Variants in GHR observed in about 807,000 individuals in gnomAD.
GHR encodes growth hormone receptor.
Under a neutral mutation model 67.1 loss-of-function variants are expected in GHR, and 35 were observed. The observed-to-expected ratio is 0.52, with a 90% CI of 0.40 to 0.69. The LOEUF (loss-of-function observed/expected upper bound fraction) is 0.69, where lower values mean the gene tolerates loss of function less well. Ranked by LOEUF, GHR falls within the 30% of genes least tolerant of loss-of-function variation. The pLI, the probability that GHR is intolerant of heterozygous loss-of-function variation, is 0.00. For missense variants in GHR, 792 were observed against 764.6 expected, an observed-to-expected ratio of 1.04 and a Z score of -0.42; for synonymous variants, 272 against 269.1, an observed-to-expected ratio of 1.01 and a Z score of -0.10.
intron 3 of GHR, among the ~76,000 whole-genome samples, chr5:42,669,968 C>G (rs745673991): frequency 3.9e-5 from 6 of 152,004 alleles, no homozygotes; most frequent in Non-Finnish European, 5.9e-5. Context: ...TCTATAGATT[C>G]AATGCAATCC....
intron 1 of GHR, among the ~76,000 whole-genome samples, chr5:42,453,816 G>A (rs896085677): frequency 1.3e-5 from 2 of 152,172 alleles, no homozygotes; most frequent in Non-Finnish European, 1.5e-5. Context: ...GGGGAACAAG[G>A]ACTCCTTTTC....
intron 1 of GHR, chr5:42,467,636 A>G: frequency 6.2e-7 from 1 of 1,606,512 alleles, no homozygotes; most frequent in Non-Finnish European, 8.5e-7. Context: ...GAGCAAACAT[A>G]AGGTTTCTGT....
In GHR at chr5:42,618,201, C is replaced by CTTT. The variant is rs537946929; in HGVS notation, c.71-10837_71-10836insTTT. On this transcript the variant is annotated intron_variant, in intron 2 of 9. Coordinates refer to ENST00000230882, the MANE Select transcript of GHR (RefSeq NM_000163.5). ...CTACATTTGCTTGCTAGTAGAGCTT[C>CTTT]CATTTTCTACTGCAAAATAGTTTCT... 2.3e-3 allele frequency among the ~76,000 whole-genome samples: 353 copies of CTTT among 152,136 alleles called. 1 individual carries two copies. Among genetic ancestry groups the CTTT allele is most frequent in the Non-Finnish European group, 3.9e-3 (267 of 67,962 alleles).
At position 42,495,780 on chromosome 5, in the gene GHR, A is replaced by G. The variant is rs28943879; in HGVS notation, c.-11-70084A>G. On this transcript the variant is annotated intron_variant, in intron 1 of 9. Transcript: ENST00000230882. Reference sequence around the variant, plus strand: ...TAATGGAGGTGAACTCAGGAATCTCAGATGCATTTAGCTCTACAAGTCTCC... The same window carrying G: ...TAATGGAGGTGAACTCAGGAATCTCGGATGCATTTAGCTCTACAAGTCTCC... Among the ~76,000 whole-genome samples, 1,239 of 152,272 alleles carry G rather than the reference A, an allele frequency of 8.1e-3. 47 individuals carry two copies. In the East Asian group the frequency reaches 0.1, roughly 13 times the overall value.
chr5:42,556,589 A>G (rs560095846), intron 1 of GHR, among the ~76,000 whole-genome samples: 19 of 152,336 alleles, frequency 1.2e-4, no homozygotes, highest in African/African-American at 4.6e-4. Context: ...GGAAAAAACT[A>G]CTTGGTAGGG....
intron 2 of GHR, among the ~76,000 whole-genome samples, chr5:42,611,513 G>A (rs1431835821): frequency 6.6e-6 from 1 of 151,952 alleles, no homozygotes; most frequent in Non-Finnish European, 1.5e-5. Flanking sequence ...CCTTCCCATG[G>A]GCCAAGCCCT....
chr5:42,662,077 C>T (rs1755666567), intron 3 of GHR, among the ~76,000 whole-genome samples: 1 of 152,100 alleles, frequency 6.6e-6, no homozygotes, highest in South Asian at 2.1e-4. Context: ...TATATGCACC[C>T]AATACAGGAG....
At chr5:42,500,057 T>C (rs1746476126) in intron 1 of GHR, among the ~76,000 whole-genome samples, 1 of 152,220 alleles carries the variant, frequency 6.6e-6, no homozygotes, top group South Asian at 2.1e-4. Flanking sequence ...TTTGTTAGTG[T>C]TGACAACCAG....
At chr5:42,673,294 C>T (rs1756409800) in intron 3 of GHR, among the ~76,000 whole-genome samples, 2 of 152,104 alleles carry the variant, frequency 1.3e-5, no homozygotes, top group South Asian at 4.1e-4. Context: ...AAAGTGAACG[C>T]TCATACACGG....
chr5:42,439,668 C>T (rs1743483885), intron 1 of GHR, among the ~76,000 whole-genome samples: 1 of 151,982 alleles, frequency 6.6e-6, no homozygotes, highest in South Asian at 2.1e-4. Context: ...GAATTTGGAT[C>T]ATCATAAGTC....
rs997308080 is a variant in GHR, at chr5:42,658,675, T to C, written c.136+29572T>C. Among the ~76,000 whole-genome samples the C allele has an allele frequency of 3.9e-5, 6 of 152,248 alleles. No homozygotes were observed. In the South Asian group the frequency reaches 1.0e-3, roughly 26 times the overall value. On this transcript the variant is annotated intron_variant, in intron 3 of 9. Coordinates refer to ENST00000230882, the MANE Select transcript of GHR (RefSeq NM_000163.5). Reference sequence around the variant, plus strand: ...TCCCCCCAGGGGACATTTGGCAATGTCTAGAGACATTTTACTTGTCACACT... The same window carrying C: ...TCCCCCCAGGGGACATTTGGCAATGCCTAGAGACATTTTACTTGTCACACT...
chr5:42,451,702 C>CAA (rs35883387), intron 1 of GHR, among the ~76,000 whole-genome samples: 13,194 of 122,722 alleles, frequency 0.11, 756 homozygotes, highest in Admixed American at 0.16. Context: ...AAGACTCTGT[C>CAA]AAAAAAAAAA....
At chr5:42,474,295 G>GAGAAAGAGAAAGAAAGAAAGAA (rs1554054588) in intron 1 of GHR, among the ~76,000 whole-genome samples, 1 of 81,070 alleles carries the variant, frequency 1.2e-5, no homozygotes, top group East Asian at 2.9e-4. Context: ...AAAAGAGAAA[G>GAGAAAGAGAAAGAAAGAAAGAA]AGAAAGAAAG....
intron 1 of GHR, among the ~76,000 whole-genome samples, chr5:42,522,965 A>G (rs1321948765): frequency 2.0e-5 from 3 of 152,156 alleles, no homozygotes; most frequent in Admixed American, 6.5e-5. Context: ...TCTTAGATCT[A>G]TTTCCCTTTG....
intron 2 of GHR, among the ~76,000 whole-genome samples, chr5:42,581,097 T>C (rs1751143404): frequency 6.6e-6 from 1 of 152,224 alleles, no homozygotes; most frequent in Non-Finnish European, 1.5e-5. Context: ...ATTCTGCACA[T>C]AACTTGGACT....
intron 1 of GHR, among the ~76,000 whole-genome samples, chr5:42,551,198 T>A (rs1211015112): frequency 6.6e-6 from 1 of 152,174 alleles, no homozygotes; most frequent in Non-Finnish European, 1.5e-5. Flanking sequence ...CTTAGAAGTT[T>A]ACAAACAGCA....
intron 6 of GHR, among the ~76,000 whole-genome samples, chr5:42,701,825 C>G (rs1174796181): frequency 6.6e-6 from 1 of 151,968 alleles, no homozygotes; most frequent in Non-Finnish European, 1.5e-5. Flanking sequence ...TTAGAAAAAT[C>G]TACAACTCAG....
At chr5:42,534,210 A>G (rs71590630) in intron 1 of GHR, among the ~76,000 whole-genome samples, 2,857 of 81,624 alleles carry the variant, frequency 0.035, 85 homozygotes, top group Middle Eastern at 0.056. Context: ...ATATATGTAT[A>G]TATGTATATA....
intron 2 of GHR, among the ~76,000 whole-genome samples, chr5:42,610,534 C>T (rs1356393893): frequency 6.6e-6 from 1 of 151,988 alleles, no homozygotes; most frequent in African/African-American, 2.4e-5. Flanking sequence ...TGAGATGCAT[C>T]CCTGCAAGAG....
Sources: allele counts gnomAD v4.1 joint callset (sites outside exome capture counted in the v4.1 genomes callset), GRCh38; gene constraint gnomAD v4.1.1; transcripts MANE v1.5; gene names NCBI Gene and HGNC (gene_info 2026-07-23, HGNC 2026-07-21).